The following DPP8 variants were observed in gnomAD, a reference collection of about 807,000 sequenced individuals.
DPP8 encodes dipeptidyl peptidase 8.
In DPP8, 31 loss-of-function variants were observed where a neutral mutation model predicts 107.5. The observed-to-expected ratio is 0.29, with a 90% confidence interval of 0.22 to 0.39. The LOEUF (loss-of-function observed/expected upper bound fraction) is 0.39, where lower values mean the gene tolerates loss of function less well. DPP8 is among the 10% of genes least tolerant of loss of function. DPP8 has a pLI of 1.00. For synonymous variants in DPP8, 381 were observed against 356.6 expected (o/e 1.07, Z -0.77); for missense variants, 842 against 1,076.1 (o/e 0.78, Z 3.04).
intron 6 of DPP8, among the ~76,000 whole-genome samples, chr15:65,489,879 G>A (rs746825200): frequency 4.0e-5 from 6 of 151,598 alleles, no homozygotes; most frequent in South Asian, 4.2e-4. Context: ...TACCATGCCC[G>A]GCTAATTTTT....
intron 8 of DPP8, among the ~76,000 whole-genome samples, chr15:65,481,889 G>C (rs1015161453): frequency 3.9e-5 from 6 of 152,002 alleles, no homozygotes; most frequent in African/African-American, 1.4e-4. Context: ...ATAATAACTA[G>C]TAAAATCAAG....
chr15:65,448,713 C>T (rs141382225), intron 19 of DPP8, among the ~76,000 whole-genome samples: 7,211 of 121,742 alleles, frequency 0.059, 317 homozygotes, highest in African/African-American at 0.082. Flanking sequence ...ATAAAATGTA[C>T]ATATATATAT....
chr15:65,462,661 C>A (rs1197710370), intron 15 of DPP8, among the ~76,000 whole-genome samples: 1 of 151,972 alleles, frequency 6.6e-6, no homozygotes, highest in Non-Finnish European at 1.5e-5. Flanking sequence ...CTCACCGCAA[C>A]CTCTGACTCC....
At chr15:65,475,979 TG>T (rs1331729997) in intron 11 of DPP8, among the ~76,000 whole-genome samples, 4 of 152,182 alleles carry the variant, frequency 2.6e-5, no homozygotes, top group Non-Finnish European at 1.5e-5. Context: ...TCTCAACTCC[TG>T]GACTCAAACA....
intron 3 of DPP8, 65 bp downstream of exon 3, chr15:65,507,178 C>A (rs2070139592): frequency 1.1e-6 from 1 of 877,488 alleles, no homozygotes; most frequent in South Asian, 2.2e-5. Context: ...AAATCCCAAC[C>A]TCTAAATAAA....
intron 4 of DPP8, among the ~76,000 whole-genome samples, 174 bp downstream of exon 4, chr15:65,500,432 A>G (rs1231356957): frequency 6.6e-6 from 1 of 152,046 alleles, no homozygotes; most frequent in East Asian, 1.9e-4. Flanking sequence ...AAAAAAAAAA[A>G]TCGCTCTTAA....
intron 11 of DPP8, 71 bp from the exon 12 acceptor site, chr15:65,474,359 TA>T (rs1023198899): frequency 4.4e-6 from 5 of 1,140,008 alleles, no homozygotes. Flanking sequence ...TTAAGAACAG[TA>T]CTCTAAGCTC....
chr15:65,448,435 G>A (rs1246875890), intron 19 of DPP8, among the ~76,000 whole-genome samples: 3 of 151,584 alleles, frequency 2.0e-5, no homozygotes, highest in Non-Finnish European at 2.9e-5. Context: ...CACTTTGGGA[G>A]GCTGACACGT....
chr15:65,474,692 G>A (rs1448593165), intron 11 of DPP8, among the ~76,000 whole-genome samples: 2 of 152,200 alleles, frequency 1.3e-5, no homozygotes, highest in Non-Finnish European at 2.9e-5. Flanking sequence ...CGCTGGTCTT[G>A]AACTGCTGGC....
At chr15:65,483,801 A>G (rs927916178) in intron 8 of DPP8, among the ~76,000 whole-genome samples, 1 of 152,194 alleles carries the variant, frequency 6.6e-6, no homozygotes, top group African/African-American at 2.4e-5. Context: ...AGCATTATTC[A>G]TAATAGCCAT....
chr15:65,469,227 G>T (rs4492994), intron 12 of DPP8, among the ~76,000 whole-genome samples: 1 of 151,064 alleles, frequency 6.6e-6, no homozygotes, highest in Non-Finnish European at 1.5e-5. Flanking sequence ...CGCCTGCCTC[G>T]GCCTCCCAAA....
At chr15:65,497,044 C>T (rs1033443198) in intron 5 of DPP8, among the ~76,000 whole-genome samples, 2 of 152,062 alleles carry the variant, frequency 1.3e-5, no homozygotes, top group Non-Finnish European at 2.9e-5. Context: ...GTGTGCACCA[C>T]CATTCCGGCT....
In DPP8 at chr15:65,446,216, A is replaced by T. The variant is rs2063492435; in HGVS notation, c.*668T>A. 6.6e-6 allele frequency: 1 copy of T among 152,104 alleles called. No individual in the cohort carries two copies. Among genetic ancestry groups the T allele is most frequent in the South Asian group, 2.1e-4 (1 of 4,822 alleles). 9.4% of individuals were successfully genotyped at this position (152,104 alleles called of 1,614,324 possible). On this transcript the variant is annotated 3_prime_UTR_variant, in exon 20 of 20. Coordinates refer to ENST00000300141, the MANE Select transcript of DPP8 (RefSeq NM_130434.5). ...AGCCTTTATGCAAAAGGAAAAGCCC[A>T]CTCTGTTAATATCATCAAAGAAAAA... is the stretch of plus-strand genomic sequence containing the variant.
chr15:65,475,480 T>C, intron 11 of DPP8: 1 of 1,530,358 alleles, frequency 6.5e-7, no homozygotes. Context: ...GGGGTCCCTG[T>C]CTCACTCCCA....
intron 2 of DPP8, among the ~76,000 whole-genome samples, chr15:65,508,370 G>C (rs2070336909): frequency 6.6e-6 from 1 of 152,142 alleles, no homozygotes; most frequent in Non-Finnish European, 1.5e-5. Flanking sequence ...CTTTATTGGG[G>C]AAGGGCAAAG....
intron 12 of DPP8, among the ~76,000 whole-genome samples, chr15:65,473,248 C>T (rs2066069695): frequency 6.6e-6 from 1 of 151,166 alleles, no homozygotes; most frequent in Non-Finnish European, 1.5e-5. Context: ...TTGCTTGAAC[C>T]CAGGAGGTGG....
intron 5 of DPP8, among the ~76,000 whole-genome samples, chr15:65,491,160 C>CAA (rs764574499): frequency 0.056 from 2,967 of 53,344 alleles, 249 homozygotes; most frequent in African/African-American, 0.16. Context: ...GACTCCGTCT[C>CAA]AAAAAAAAAA....
At chr15:65,475,501 C>G in intron 11 of DPP8, 1 of 1,470,010 alleles carries the variant, frequency 6.8e-7, no homozygotes, top group Non-Finnish European at 9.5e-7. Flanking sequence ...CATAGGCCAT[C>G]ACATGACCTG....
chr15:65,448,202 TA>T (rs2140298914), intron 19 of DPP8, among the ~76,000 whole-genome samples: 1 of 152,056 alleles, frequency 6.6e-6, no homozygotes, highest in South Asian at 2.1e-4. Context: ...CCAGGAATCA[TA>T]GTAAGACTCT....
Sources: gnomAD v4.1 joint callset for allele counts (sites outside exome capture counted in the v4.1 genomes callset) on GRCh38, gnomAD v4.1.1 for gene constraint, MANE v1.5 for transcripts, NCBI Gene and HGNC (gene_info 2026-07-23, HGNC 2026-07-21) for gene names.